CAMK1D: variants seen among roughly 807,000 people sequenced by gnomAD.
The protein encoded by CAMK1D is calcium/calmodulin-dependent protein kinase type 1D.
In CAMK1D, 9 loss-of-function variants were observed where a neutral mutation model predicts 47.7. The observed-to-expected ratio is 0.19, with a 90% CI of 0.11 to 0.33. The LOEUF (loss-of-function observed/expected upper bound fraction) is 0.33, where lower values mean the gene tolerates loss of function less well. Ranked by LOEUF, CAMK1D falls within the 10% of genes least tolerant of loss-of-function variation. The pLI is 1.00. For synonymous variants in CAMK1D, 184 were observed against 184.9 expected, an observed-to-expected ratio of 0.99 and a Z score of 0.04; for missense variants, 291 against 488.7, an observed-to-expected ratio of 0.60 and a Z score of 3.81.
At chr10:12,551,060 G>T (rs942089072) in intron 1 of CAMK1D, among the ~76,000 whole-genome samples, 1 of 152,198 alleles carries the variant, frequency 6.6e-6, no homozygotes, top group East Asian at 1.9e-4. Context: ...TAAAGTAGGG[G>T]TCCCCAACCC....
chr10:12,377,693 T>TTTC (rs1203754530), intron 1 of CAMK1D, among the ~76,000 whole-genome samples: 2 of 151,832 alleles, frequency 1.3e-5, no homozygotes, highest in Admixed American at 6.6e-5. Context: ...CTTCAAGGGG[T>TTTC]TTCTTCATAT....
At chr10:12,758,345 A>G (rs1315801409) in intron 3 of CAMK1D, among the ~76,000 whole-genome samples, 1 of 128,112 alleles carries the variant, frequency 7.8e-6, no homozygotes, top group Admixed American at 8.7e-5. Context: ...TGCAGATTTA[A>G]TATATTTTTA....
At chr10:12,584,792 C>T (rs1404806076) in intron 2 of CAMK1D, among the ~76,000 whole-genome samples, 2 of 151,998 alleles carry the variant, frequency 1.3e-5, no homozygotes, top group Non-Finnish European at 2.9e-5. Flanking sequence ...TGCACTCCAG[C>T]CTGGGTGACA....
At chr10:12,756,666 C>T (rs1305862719) in intron 3 of CAMK1D, among the ~76,000 whole-genome samples, 1 of 152,168 alleles carries the variant, frequency 6.6e-6, no homozygotes, top group Non-Finnish European at 1.5e-5. Flanking sequence ...GTGGCTCACA[C>T]CTGTAATCCC....
At position 12,397,467 on chromosome 10, in the gene CAMK1D, C is replaced by T. The variant is rs970994462; in HGVS notation, c.92+47557C>T. ...ACCATTTATTCTTGACCTACCCAAGCGGAGGTCCTGTAGGCCACTCTCCCC... is the reference window on the plus strand; with the variant it reads ...ACCATTTATTCTTGACCTACCCAAGTGGAGGTCCTGTAGGCCACTCTCCCC... On this transcript the variant is annotated intron_variant, in intron 1 of 10. Transcript: ENST00000619168. 1.4e-4 allele frequency among the ~76,000 whole-genome samples: 21 copies of T among 152,296 alleles called. No homozygotes were observed. In the East Asian group the frequency reaches 2.3e-3, roughly 17 times the overall value.
chr10:12,481,894 A>G (rs1178150905), intron 1 of CAMK1D, among the ~76,000 whole-genome samples: 1 of 152,212 alleles, frequency 6.6e-6, no homozygotes, highest in Non-Finnish European at 1.5e-5. Flanking sequence ...GGCAATTACA[A>G]GCAGCCCAGG....
At chr10:12,393,351 A>G (rs72767686) in intron 1 of CAMK1D, among the ~76,000 whole-genome samples, 1,665 of 152,266 alleles carry the variant, frequency 0.011, 11 homozygotes, top group Non-Finnish European at 0.018. Context: ...TTTTTAAGGA[A>G]TACATTTTCT....
chr10:12,463,260 C>T (rs754675137), intron 1 of CAMK1D, among the ~76,000 whole-genome samples: 16 of 151,654 alleles, frequency 1.1e-4, no homozygotes, highest in Non-Finnish European at 1.9e-4. Flanking sequence ...GCTTCAGCTT[C>T]TTGAGTAGCT....
intron 1 of CAMK1D, among the ~76,000 whole-genome samples, chr10:12,441,954 GAC>G (rs760476783): frequency 2.0e-5 from 3 of 152,150 alleles, no homozygotes; most frequent in Non-Finnish European, 2.9e-5. Flanking sequence ...AAATCTCTAG[GAC>G]ACAGAATGGA....
chr10:12,799,561 T>G (rs1838339957), intron 6 of CAMK1D, among the ~76,000 whole-genome samples: 1 of 152,202 alleles, frequency 6.6e-6, no homozygotes, highest in Non-Finnish European at 1.5e-5. Context: ...GGTTAGCGCT[T>G]GGTGCTAATC....
At chr10:12,644,271 C>CT (rs1021700306) in intron 2 of CAMK1D, among the ~76,000 whole-genome samples, 5 of 152,130 alleles carry the variant, frequency 3.3e-5, no homozygotes, top group African/African-American at 9.7e-5. Context: ...AGTTAGCTCT[C>CT]TAAGTTTCCC....
chr10:12,801,862 A>G (rs1838498213), intron 6 of CAMK1D, among the ~76,000 whole-genome samples: 1 of 152,144 alleles, frequency 6.6e-6, no homozygotes, highest in Non-Finnish European at 1.5e-5. Context: ...AATAAACTGG[A>G]CTCAGAGTGG....
chr10:12,581,553 G>GTTTTTTGA (rs1477434121), intron 2 of CAMK1D, among the ~76,000 whole-genome samples: 2 of 152,102 alleles, frequency 1.3e-5, no homozygotes, highest in Non-Finnish European at 2.9e-5. Context: ...AACATCTACT[G>GTTTTTTGA]TTTTTTGATT....
At chr10:12,427,698 C>CTTTTTTTTTTTTTTTTTTTTT (rs1588474191) in intron 1 of CAMK1D, among the ~76,000 whole-genome samples, 7 of 27,390 alleles carry the variant, frequency 2.6e-4, no homozygotes, top group East Asian at 2.1e-3. Flanking sequence ...ACTGAACTTA[C>CTTTTTTTTTTTTTTTTTTTTT]TGTTTTTTTT....
intron 6 of CAMK1D, 149 bp from the exon 7 acceptor site, chr10:12,814,046 C>T: frequency 1.8e-6 from 1 of 558,396 alleles, no homozygotes; most frequent in Admixed American, 2.9e-5. Context: ...GCCTTGGCCT[C>T]CCAAATTGCT....
At chr10:12,742,323 C>T (rs138162926) in intron 3 of CAMK1D, among the ~76,000 whole-genome samples, 174 of 151,954 alleles carry the variant, frequency 1.1e-3, no homozygotes, top group African/African-American at 4.0e-3. Flanking sequence ...TTAGTAGAGA[C>T]GGGGTCTCAC....
At chr10:12,563,692 AG>A (rs1837023655) in intron 2 of CAMK1D, among the ~76,000 whole-genome samples, 1 of 63,804 alleles carries the variant, frequency 1.6e-5, no homozygotes, top group South Asian at 3.3e-4. Context: ...AGAGAGAGAG[AG>A]AGAGAGGGAG....
At chr10:12,604,246 G>C (rs1335441357) in intron 2 of CAMK1D, among the ~76,000 whole-genome samples, 1 of 152,162 alleles carries the variant, frequency 6.6e-6, no homozygotes. Flanking sequence ...CATTGTGAAC[G>C]AATGTCATAG....
At chr10:12,393,083 G>C (rs540607335) in intron 1 of CAMK1D, among the ~76,000 whole-genome samples, 3 of 150,930 alleles carry the variant, frequency 2.0e-5, no homozygotes, top group Non-Finnish European at 2.9e-5. Flanking sequence ...CCAGGCTGGA[G>C]TGCAGTGGTG....
Sources: gnomAD v4.1 joint callset for allele counts (sites outside exome capture counted in the v4.1 genomes callset) on GRCh38, gnomAD v4.1.1 for gene constraint, MANE v1.5 for transcripts, NCBI Gene and HGNC (gene_info 2026-07-23, HGNC 2026-07-21) for gene names.